The following FLG variants were observed in gnomAD, a reference collection of about 807,000 sequenced individuals.
FLG encodes epidermal filaggrin.
Under a neutral mutation model 3.8 loss-of-function variants are expected in FLG, and 6 were observed. That is an observed-to-expected ratio of 1.60 (90% CI 0.87 to 3.15). The LOEUF is 3.15. Among genes scored for constraint, FLG ranks in the 30% most tolerant of loss-of-function variants. The pLI is 0.00. For synonymous variants in FLG, 2,551 were observed against 1,931.6 expected, an observed-to-expected ratio of 1.32 and a Z score of -8.41; for missense variants, 7,595 against 5,050.9, an observed-to-expected ratio of 1.50 and a Z score of -15.27.
In FLG at chr1:152,313,222, G is replaced by A. The variant is rs772064761; in HGVS notation, c.1664C>T (p.Ser555Phe). The change falls in exon 3 of 3, where the codon TCT becomes TTT. Residue 555 changes from serine to phenylalanine, a missense_variant. Physicochemically the swap from Ser to Phe is radical, Grantham distance 155 (BLOSUM62 -2). Coordinates refer to ENST00000368799, the MANE Select transcript of FLG (RefSeq NM_002016.2). ...TCCTGACTGCCCATGGGAGGCATCA[G>A]ACCTTCCCTGGGATGTGGTGTGGCT... ...HHSHTTSQGRSDASHGQSGSR... is the reference protein window; with the variant it reads ...HHSHTTSQGRFDASHGQSGSR... 3.0e-5 allele frequency: 49 copies of A among 1,613,734 alleles called. No homozygotes were observed. Among genetic ancestry groups the A allele is most frequent in the South Asian group, 1.2e-4 (11 of 91,062 alleles).
rs138288591 is a variant in FLG, at chr1:152,309,509, G to A, written c.5377C>T (p.Arg1793Cys). ...GPSTGGRQRSRHEQARDSSRH... is the reference protein window; with the variant it reads ...GPSTGGRQRSCHEQARDSSRH... ...GAGCTGTCTCGTGCCTGCTCGTGGC[G>A]GGATCTTTGTCTTCCTCCAGTGCTG... Residue 1793 changes from arginine to cysteine, a missense_variant, in exon 3 of 3, where the codon CGC becomes TGC. Physicochemically the swap from Arg to Cys is radical, Grantham distance 180. Coordinates refer to ENST00000368799, the MANE Select transcript of FLG (RefSeq NM_002016.2). 6.3e-5 allele frequency: 101 copies of A among 1,613,640 alleles called. No individual in the cohort carries two copies. The highest frequency in any genetic ancestry group is 3.4e-5 in the Non-Finnish European group (40 of 1,179,964).
Position 152,305,560 on chromosome 1 carries a change from G to C in FLG, c.9326C>G (p.Thr3109Ser). 6.6e-7 allele frequency: 1 copy of C among 1,516,320 alleles called. No homozygotes were observed. Among genetic ancestry groups the C allele is most frequent in the Non-Finnish European group, 8.8e-7 (1 of 1,137,576 alleles). The allele number at this position is 1,516,320 out of a possible 1,614,324, so 93.9% of individuals were successfully genotyped here. Reference sequence around the variant, plus strand: ...GCTTGACCCCGGGTGTCCACGAATGGTGTCCTGACCGTATTGGGATGCTGA... The same window carrying C: ...GCTTGACCCCGGGTGTCCACGAATGCTGTCCTGACCGTATTGGGATGCTGA... ...RHSASQYGQD[T>S]IRGHPGSSRG... is the part of the protein sequence containing the mutation. Residue 3109 changes from threonine (T) to serine (S), a missense_variant, in exon 3 of 3, where the codon ACC (threonine) becomes AGC (serine). By Grantham distance (58) the Thr-to-Ser change is moderately conservative. Coordinates refer to ENST00000368799, the MANE Select transcript of FLG (RefSeq NM_002016.2).
At position 152,309,125 on chromosome 1, in the gene FLG, C is replaced by A. The variant is rs755966032; in HGVS notation, c.5761G>T (p.Asp1921Tyr). 13 of 1,613,700 alleles carry A rather than the reference C, an allele frequency of 8.1e-6. No homozygotes were observed. The South Asian group carries it at 1.3e-4, about 16-fold the overall frequency. ...SRNQGSSVSQ[D>Y]SDSQGHSEDS... The stretch of plus-strand genomic sequence containing the variant: ...TCTGAGTGTCCCTGACTGTCACTGT[C>A]CTGGCTAACACTGGATCCCTGGTTC... Residue 1921 changes from aspartate (D) to tyrosine (Y), a missense_variant, in exon 3 of 3, where the codon GAC becomes TAC. Asp to Tyr is a radical substitution (Grantham distance 160, BLOSUM62 -3). Transcript: ENST00000368799.
Position 152,307,544 on chromosome 1 carries a change from C to A in FLG, c.7342G>T (p.Asp2448Tyr), listed in dbSNP as rs1464728360. The A allele has an allele frequency of 6.2e-7, 1 of 1,613,830 alleles. No homozygotes were observed. Among genetic ancestry groups the A allele is most frequent in the Admixed American group, 1.7e-5 (1 of 59,970 alleles). The change falls in exon 3 of 3, where the codon GAC becomes TAC. Residue 2448 changes from aspartate to tyrosine, a missense_variant. Asp to Tyr is a radical substitution (Grantham distance 160). Coordinates refer to ENST00000368799, the MANE Select transcript of FLG (RefSeq NM_002016.2). ...TGGGACGTTGAGTGCCTGGAGCTGTCTCGTGCCTGCTTGTGGTGGGATCCT... is the reference window on the plus strand; with the variant it reads ...TGGGACGTTGAGTGCCTGGAGCTGTATCGTGCCTGCTTGTGGTGGGATCCT... ...RQGSHHKQAR[D>Y]SSRHSTSQEG...
At position 152,314,169 on chromosome 1, in the gene FLG, G is replaced by C; in HGVS notation, c.717C>G (p.Ile239Met). 2 of 1,614,092 alleles carry C rather than the reference G, an allele frequency of 1.2e-6. No homozygotes were observed. Among genetic ancestry groups the C allele is most frequent in the Non-Finnish European group, 1.7e-6 (2 of 1,180,018 alleles). ...CAGTGGTGTCATAGGCTTCATCCTG[G>C]ATTGTGTAATATGTGGCAATATGGC... ...QSGHIATYYTIQDEAYDTTDS... is the reference protein window; with the variant it reads ...QSGHIATYYTMQDEAYDTTDS... The change falls in exon 3 of 3, where the codon ATC (isoleucine) becomes ATG (methionine). Residue 239 changes from isoleucine (I) to methionine (M), a missense_variant. Ile to Met is a conservative substitution (Grantham distance 10). Coordinates refer to ENST00000368799, the MANE Select transcript of FLG (RefSeq NM_002016.2).
chr1:152,312,767 T>C lies in FLG; in HGVS notation c.2119A>G (p.Arg707Gly). The C allele has an allele frequency of 6.2e-7, 1 of 1,613,992 alleles. No individual in the cohort carries two copies. The highest frequency in any genetic ancestry group is 8.5e-7 in the Non-Finnish European group (1 of 1,179,992). The change falls in exon 3 of 3, where the codon AGA becomes GGA. Residue 707 changes from arginine to glycine, a missense_variant. Arg to Gly is a moderately radical substitution (Grantham distance 125). Transcript: ENST00000368799. ...TGGAGCTGGTGGCGGGATCCATGTC[T>C]TTCTCCTGCACTTGATCTTGCCTGT... is the stretch of plus-strand genomic sequence containing the variant. ...HEQARSSAGE[R>G]HGSRHQLQSA... is the part of the protein sequence containing the mutation.
Position 152,309,390 on chromosome 1 carries a change from C to T in FLG, c.5496G>A (p.Ser1832=), listed in dbSNP as rs187802033. Residue 1832 remains serine, a synonymous_variant, in exon 3 of 3, where the codon TCG becomes TCA. Coordinates refer to ENST00000368799, the MANE Select transcript of FLG (RefSeq NM_002016.2). ...ACCCTGAGTGTCCAGAACTATCTACCGATTGCTCATAGTGGGATCCCTGCC... is the reference window on the plus strand; with the variant it reads ...ACCCTGAGTGTCCAGAACTATCTACTGATTGCTCATAGTGGGATCCCTGCC... ...GGRQGSHYEQ[S]VDSSGHSGSH... is the part of the protein sequence containing the mutation. 4.1e-5 allele frequency: 66 copies of T among 1,613,738 alleles called. 1 individual carries two copies. The East Asian group carries it at 5.1e-4, about 13-fold the overall frequency.
chr1:152,322,288 G>T (rs1388933887), intron 1 of FLG, among the ~76,000 whole-genome samples: 1 of 150,748 alleles, frequency 6.6e-6, no homozygotes, highest in East Asian at 1.9e-4. Flanking sequence ...GTTAGGAAAA[G>T]GAATTAAAAG....
chr1:152,304,014 C>T lies in FLG; in HGVS notation c.10872G>A (p.Glu3624=), dbSNP rs199933055. 98 of 1,613,414 alleles carry T rather than the reference C, an allele frequency of 6.1e-5. No homozygotes were observed. Among genetic ancestry groups the T allele is most frequent in the South Asian group, 4.6e-4 (42 of 91,020 alleles). ...SHEQARSSAG[E]RHGSHHQQSA... ...ACTGCTGGTGGTGGGATCCATGTCTCTCTCCTGCACTTGATCTTGCCTGTT... is the reference window on the plus strand; with the variant it reads ...ACTGCTGGTGGTGGGATCCATGTCTTTCTCCTGCACTTGATCTTGCCTGTT... The change falls in exon 3 of 3, where the codon GAG becomes GAA. Residue 3624 remains glutamate, a synonymous_variant. Transcript: ENST00000368799.
In FLG at chr1:152,308,232, G is replaced by A. The variant is rs1439000720; in HGVS notation, c.6654C>T (p.Asp2218=). The A allele has an allele frequency of 5.0e-6, 8 of 1,613,898 alleles. No individual in the cohort carries two copies. In the East Asian group the frequency reaches 1.6e-4, roughly 31 times the overall value. ...SHHHEASSWA[D]SSRHSLVGQG... The stretch of plus-strand genomic sequence containing the variant: ...GGCCCACCAGTGAGTGTCTAGAGCT[G>A]TCGGCCCAAGAGGAAGCTTCATGAT... The change falls in exon 3 of 3, where the codon GAC becomes GAT. Residue 2218 remains aspartate, a synonymous_variant. Coordinates refer to ENST00000368799, the MANE Select transcript of FLG (RefSeq NM_002016.2).
At position 152,303,289 on chromosome 1, in the gene FLG, T is replaced by G; in HGVS notation, c.11597A>C (p.Asp3866Ala). The change falls in exon 3 of 3, where the codon GAC becomes GCC. Residue 3866 changes from aspartate to alanine, a missense_variant. Asp to Ala is a moderately radical substitution (Grantham distance 126, BLOSUM62 -2). Coordinates refer to ENST00000368799, the MANE Select transcript of FLG (RefSeq NM_002016.2). ...CTCTGGGTATGCCTCACTGTCACTG[T>G]CCTGGCTAACACTGGATCCCTGGCG... ...SRRQGSSVSQ[D>A]SDSEAYPEDS... is the part of the protein sequence containing the mutation. The G allele has an allele frequency of 6.2e-7, 1 of 1,614,060 alleles. No individual in the cohort carries two copies. The highest frequency in any genetic ancestry group is 8.5e-7 in the Non-Finnish European group (1 of 1,180,008).
Position 152,305,080 on chromosome 1 carries a change from T to A in FLG, c.9806A>T (p.Asp3269Val). ...EDRAGHGHSA[D>V]RSRQSGTRHA... ...ACGAGTGCCTGATTGTCTGGAGCGG[T>A]CTGCAGAGTGCCCGTGACCGGCTCT... Residue 3269 changes from aspartate to valine, a missense_variant, in exon 3 of 3, where the codon GAC becomes GTC. Coordinates refer to ENST00000368799, the MANE Select transcript of FLG (RefSeq NM_002016.2). 6.2e-7 allele frequency: 1 copy of A among 1,613,888 alleles called. No individual in the cohort carries two copies. Among genetic ancestry groups the A allele is most frequent in the Admixed American group, 1.7e-5 (1 of 59,988 alleles).
In FLG at chr1:152,311,188, G is replaced by T; in HGVS notation, c.3698C>A (p.Ser1233Ter). 6.2e-7 allele frequency: 1 copy of T among 1,613,846 alleles called. No individual in the cohort carries two copies. The highest frequency in any genetic ancestry group is 1.6e-4 in the Middle Eastern group (1 of 6,062). The change falls in exon 3 of 3, where the codon TCA becomes TAA. Residue 1233 changes from serine (S) to a stop codon, truncating the protein, a stop_gained. Transcript: ENST00000368799. LOFTEE classifies it low-confidence loss of function (END_TRUNC). ...DKQSGDGSRH[S>*]GSRHHEAASW... ...GGCAGCTTCATGGTGACGTGACCCT[G>T]AGTGCCTGGAGCCGTCTCCTGATTG...
rs1402008081 is a variant in FLG at position 152,313,740 on chromosome 1, T to G, written c.1146A>C (p.Glu382Asp). The change falls in exon 3 of 3, where the codon GAA (glutamate) becomes GAC (aspartate). Residue 382 changes from glutamate to aspartate, a missense_variant. Physicochemically the swap from Glu to Asp is conservative, Grantham distance 45. Coordinates refer to ENST00000368799, the MANE Select transcript of FLG (RefSeq NM_002016.2). Reference protein sequence around the residue: ...SHEQARSSPGERHGSGHQQSA... With the variant: ...SHEQARSSPGDRHGSGHQQSA... ...ACTGCTGGTGGCCGGATCCATGTCT[T>G]TCTCCTGGACTTGATCTTGCCTGTT... 1 of 1,614,048 alleles carries G rather than the reference T, an allele frequency of 6.2e-7. No homozygotes were observed. Among genetic ancestry groups the G allele is most frequent in the East Asian group, 2.2e-5 (1 of 44,874 alleles).
At position 152,313,013 on chromosome 1, in the gene FLG, T is replaced by C; in HGVS notation, c.1873A>G (p.Ser625Gly). ...TCTTCTGAGTGTCCCTGACTGTCAC[T>C]GTCCTGGCTAACACTGGATCCCTGG... ...RNQGSSVSQD[S>G]DSQGHSEDSE... The change falls in exon 3 of 3, where the codon AGT (serine) becomes GGT (glycine). Residue 625 changes from serine to glycine, a missense_variant. Physicochemically the swap from Ser to Gly is moderately conservative, Grantham distance 56. Coordinates refer to ENST00000368799, the MANE Select transcript of FLG (RefSeq NM_002016.2). The C allele has an allele frequency of 6.2e-7, 1 of 1,614,062 alleles. No individual in the cohort carries two copies.
chr1:152,304,930 G>A lies in FLG; in HGVS notation c.9956C>T (p.Pro3319Leu), dbSNP rs138519433. The A allele has an allele frequency of 2.7e-5, 44 of 1,613,282 alleles. No homozygotes were observed. The highest frequency in any genetic ancestry group is 1.8e-4 in the East Asian group (8 of 44,810). ...SADSSRHSGI[P>L]RGQASSAVRD... ...GACTGCAGATGAAGCTTGTCCACGC[G>A]GAATGCCTGAGTGTCTGGAGCTGTC... Residue 3319 changes from proline to leucine, a missense_variant, in exon 3 of 3, where the codon CCG (proline) becomes CTG (leucine). By Grantham distance (98) the Pro-to-Leu change is moderately conservative. Transcript: ENST00000368799.
chr1:152,321,718 G>A (rs1652982979), intron 1 of FLG, among the ~76,000 whole-genome samples: 1 of 151,038 alleles, frequency 6.6e-6, no homozygotes, highest in African/African-American at 2.4e-5. Flanking sequence ...TGGCTTTACT[G>A]AATTCTATTC....
At position 152,312,532 on chromosome 1, in the gene FLG, T is replaced by C. The variant is rs761719651; in HGVS notation, c.2354A>G (p.Glu785Gly). Reference sequence around the variant, plus strand: ...GAAAGACCCTGAACGTCGAGACCTTTCCCCTGACCGGTCACGTGCGGACTC... The same window carrying C: ...GAAAGACCCTGAACGTCGAGACCTTCCCCCTGACCGGTCACGTGCGGACTC... ...HQESARDRSG[E>G]RSRRSGSFLY... The change falls in exon 3 of 3, where the codon GAA becomes GGA. Residue 785 changes from glutamate to glycine, a missense_variant. Transcript: ENST00000368799. The C allele has an allele frequency of 3.1e-6, 5 of 1,613,168 alleles. No homozygotes were observed. Among genetic ancestry groups the C allele is most frequent in the African/African-American group, 2.7e-5 (2 of 74,588 alleles).
At position 152,307,678 on chromosome 1, in the gene FLG, C is replaced by G. The variant is rs368385023; in HGVS notation, c.7208G>C (p.Arg2403Pro). 2.0e-5 allele frequency: 32 copies of G among 1,613,182 alleles called. No individual in the cohort carries two copies. Among genetic ancestry groups the G allele is most frequent in the Non-Finnish European group, 2.5e-5 (30 of 1,179,846 alleles). ...TGAACGTCCAGACCTTCCTGCTGAC[C>G]GGCCACGTGTGGACTCTTGGTGGCT... ...QQSHQESTRG[R>P]SAGRSGRSGS... Residue 2403 changes from arginine to proline, a missense_variant, in exon 3 of 3, where the codon CGG (arginine) becomes CCG (proline). Arg to Pro is a moderately radical substitution (Grantham distance 103). Coordinates refer to ENST00000368799, the MANE Select transcript of FLG (RefSeq NM_002016.2).
Sources: allele counts gnomAD v4.1 joint callset (sites outside exome capture counted in the v4.1 genomes callset), GRCh38; gene constraint gnomAD v4.1.1; transcripts MANE v1.5; gene names NCBI Gene and HGNC (gene_info 2026-07-23, HGNC 2026-07-21).